KCNQ1OT1: variants seen among roughly 807,000 people sequenced by gnomAD.
KCNQ1OT1 encodes the protein KCNQ1 opposite strand/antisense transcript 1, also known as KCNQ1 antisense RNA 2 (non-protein coding).
At chr11:2,692,541 C>T in exon 1 of KCNQ1OT1, 1 of 398,800 alleles carries the variant, frequency 2.5e-6, no homozygotes. Flanking sequence ...CCAGAGGGCC[C>T]TTGGCCTGCC....
At chr11:2,644,769 G>C in exon 1 of KCNQ1OT1, 2 of 398,562 alleles carry the variant, frequency 5.0e-6, no homozygotes, top group Non-Finnish European at 8.8e-6. Context: ...TTTGATTCTG[G>C]GTGCCTGCAG....
exon 1 of KCNQ1OT1, chr11:2,685,866 C>A (rs1329823945): frequency 5.0e-6 from 2 of 398,614 alleles, no homozygotes; most frequent in East Asian, 7.1e-5. Flanking sequence ...ACCCAGGACT[C>A]AGACCACAAC....
At position 2,676,936 on chromosome 11, in the gene KCNQ1OT1, G is replaced by A; in HGVS notation, n.23059C>T. 2.5e-6 allele frequency: 1 copy of A among 398,596 alleles called. No individual in the cohort carries two copies. The highest frequency in any genetic ancestry group is 4.4e-6 in the Non-Finnish European group (1 of 226,054). The allele number at this position is 398,596 out of a possible 1,614,324, so 24.7% of individuals were successfully genotyped here. ...AAAAGGAAGACACTGGTATGTTCTG[G>A]AGATGGATCTGTATTAAGACATCTA... On this transcript the variant is annotated non_coding_transcript_exon_variant, in exon 1 of 1. Transcript: ENST00000597346. This position sits in a 1 kb window ranked among gnomAD's most constrained non-coding sequence, Gnocchi z 4.2.
exon 1 of KCNQ1OT1, chr11:2,692,349 C>T: frequency 2.5e-6 from 1 of 399,000 alleles, no homozygotes. Context: ...CTCTGTACTG[C>T]AGGCATCTCC....
chr11:2,614,936 C>A (rs1175464994), exon 1 of KCNQ1OT1: 4 of 398,124 alleles, frequency 1.0e-5, no homozygotes, highest in Non-Finnish European at 1.8e-5. Context: ...ATAAAAAGGC[C>A]CTTGGGATTT....
rs979402919 is a variant in KCNQ1OT1 at position 2,664,443 on chromosome 11, C to T, written n.35552G>A. ...TGTCAGGGCCTAGGAACCCAGGCTC[C>T]TCTGGGATACAGGCTGGGTAGAGGC... On this transcript the variant is annotated non_coding_transcript_exon_variant, in exon 1 of 1. Coordinates refer to ENST00000597346, the Ensembl canonical transcript of KCNQ1OT1. This position sits in a 1 kb window ranked among gnomAD's most constrained non-coding sequence, Gnocchi z 5.1. The T allele has an allele frequency of 2.5e-6, 1 of 398,550 alleles. No individual in the cohort carries two copies. The highest frequency in any genetic ancestry group is 4.4e-6 in the Non-Finnish European group (1 of 226,126). 24.7% of individuals were successfully genotyped at this position (398,550 alleles called of 1,614,324 possible).
chr11:2,614,782 T>C, exon 1 of KCNQ1OT1: 3 of 398,526 alleles, frequency 7.5e-6, no homozygotes, highest in Non-Finnish European at 1.3e-5. Context: ...ACCACATTGT[T>C]TTGATTACTG....
chr11:2,696,178 A>T (rs1309805445), exon 1 of KCNQ1OT1: 1 of 398,344 alleles, frequency 2.5e-6, no homozygotes, highest in East Asian at 3.6e-5. Context: ...CTGTTTAAGA[A>T]CCCCACGGCC....
In KCNQ1OT1 at chr11:2,673,719, G is replaced by C. The variant is rs1411593928; in HGVS notation, n.26276C>G. 1 of 398,586 alleles carries C rather than the reference G, an allele frequency of 2.5e-6. No individual in the cohort carries two copies. Among genetic ancestry groups the C allele is most frequent in the South Asian group, 1.3e-4 (1 of 7,852 alleles). 24.7% of individuals were successfully genotyped at this position (398,586 alleles called of 1,614,324 possible). A position where few individuals can be genotyped will look rare whatever the true frequency, so the allele number is the denominator to read the frequency against. On this transcript the variant is annotated non_coding_transcript_exon_variant, in exon 1 of 1. Transcript: ENST00000597346. This position sits in a 1 kb window ranked among gnomAD's most constrained non-coding sequence, Gnocchi z 4.5. ...CTGAGGTTGCTGAATCTCAGGGCTT[G>C]GAAGGCCCAGACTGGACAGGGGAAG...
chr11:2,640,554 G>A (rs977308858), exon 1 of KCNQ1OT1: 1 of 346,956 alleles, frequency 2.9e-6, no homozygotes, highest in Non-Finnish European at 4.7e-6. Flanking sequence ...CCAAAGCACT[G>A]GGATTTCCTT....
rs1850216353 is a variant in KCNQ1OT1, at chr11:2,673,117, G to T, written n.26878C>A. ...GGTACTCAGCAGGAGACCCCAGCAG[G>T]CAGCATCAGGGCAGGGGTGCTGACC... On this transcript the variant is annotated non_coding_transcript_exon_variant, in exon 1 of 1. Coordinates refer to ENST00000597346, the Ensembl canonical transcript of KCNQ1OT1. This position sits in a 1 kb window ranked among gnomAD's most constrained non-coding sequence, Gnocchi z 4.5. 5.0e-6 allele frequency: 2 copies of T among 398,790 alleles called. No homozygotes were observed. The highest frequency in any genetic ancestry group is 4.1e-5 in the African/African-American group (2 of 48,632). The allele number at this position is 398,790 out of a possible 1,614,324, so 24.7% of individuals were successfully genotyped here.
In KCNQ1OT1 at chr11:2,691,293, A is replaced by C; in HGVS notation, n.8702T>G. Reference sequence around the variant, plus strand: ...CACTAATCAGGAAGGAGAGCTGACAAGAAAAAGGCGATGTCTCACCCCTGA... The same window carrying C: ...CACTAATCAGGAAGGAGAGCTGACACGAAAAAGGCGATGTCTCACCCCTGA... On this transcript the variant is annotated non_coding_transcript_exon_variant, in exon 1 of 1. Coordinates refer to ENST00000597346, the Ensembl canonical transcript of KCNQ1OT1. This position sits in a 1 kb window ranked among gnomAD's most constrained non-coding sequence, Gnocchi z 6.4. The C allele has an allele frequency of 2.5e-6, 1 of 398,630 alleles. No individual in the cohort carries two copies. Among genetic ancestry groups the C allele is most frequent in the Non-Finnish European group, 4.4e-6 (1 of 226,084 alleles). 24.7% of individuals were successfully genotyped at this position (398,630 alleles called of 1,614,324 possible). A position where few individuals can be genotyped will look rare whatever the true frequency, so the allele number is the denominator to read the frequency against.
At chr11:2,650,381 A>G in exon 1 of KCNQ1OT1, 2 of 398,564 alleles carry the variant, frequency 5.0e-6, no homozygotes, top group Non-Finnish European at 8.8e-6. Context: ...AATAACAGAG[A>G]CTTCCAATTT....
rs1850511583 is a variant in KCNQ1OT1, at chr11:2,687,529, C to T, written n.12466G>A. Reference sequence around the variant, plus strand: ...TTGAGACCAGCCTCCTCTGTATGGTCCCTTCCCTGGTGCACCTACCACAGC... The same window carrying T: ...TTGAGACCAGCCTCCTCTGTATGGTTCCTTCCCTGGTGCACCTACCACAGC... On this transcript the variant is annotated non_coding_transcript_exon_variant, in exon 1 of 1. Transcript: ENST00000597346. This position sits in a 1 kb window ranked among gnomAD's most constrained non-coding sequence, Gnocchi z 5.0. 3.8e-5 allele frequency: 15 copies of T among 398,738 alleles called. No individual in the cohort carries two copies. The East Asian group carries it at 5.3e-4, about 14-fold the overall frequency. 24.7% of individuals were successfully genotyped at this position (398,738 alleles called of 1,614,324 possible). A position where few individuals can be genotyped will look rare whatever the true frequency, so the allele number is the denominator to read the frequency against.
chr11:2,661,312 G>A lies in KCNQ1OT1; in HGVS notation n.38683C>T, dbSNP rs888348157. On this transcript the variant is annotated non_coding_transcript_exon_variant, in exon 1 of 1. Transcript: ENST00000597346. This position sits in a 1 kb window ranked among gnomAD's most constrained non-coding sequence, Gnocchi z 5.9. ...TACTGATAGTGTCAACAGAGAGTGG[G>A]GAGTGATAAGGATCAGTATCCTGAG... The A allele has an allele frequency of 8.0e-5, 32 of 401,312 alleles. No individual in the cohort carries two copies. Among genetic ancestry groups the A allele is most frequent in the Non-Finnish European group, 4.4e-6 (1 of 227,720 alleles). The allele number at this position is 401,312 out of a possible 1,614,324, so 24.9% of individuals were successfully genotyped here.
exon 1 of KCNQ1OT1, chr11:2,694,378 T>C (rs1325796825): frequency 7.5e-6 from 3 of 398,536 alleles, no homozygotes; most frequent in Admixed American, 8.8e-5. Flanking sequence ...TTGGCTATCA[T>C]GACTATGGGA....
exon 1 of KCNQ1OT1, chr11:2,693,987 G>A: frequency 2.5e-6 from 1 of 398,744 alleles, no homozygotes; most frequent in Non-Finnish European, 4.4e-6. Flanking sequence ...AGCAGGCCCA[G>A]CCCGGCCTCT....
chr11:2,653,738 C>T lies in KCNQ1OT1; in HGVS notation n.46257G>A. On this transcript the variant is annotated non_coding_transcript_exon_variant, in exon 1 of 1. Coordinates refer to ENST00000597346, the Ensembl canonical transcript of KCNQ1OT1. The surrounding 1 kb of genome is among the most constrained non-coding windows in gnomAD (Gnocchi z 5.3). ...CCAGGATTCCTGCCAGAATCTAAGG[C>T]CAGGTTCTTATTGGCCTCAGCTGGG... is the stretch of plus-strand genomic sequence containing the variant. 2.5e-6 allele frequency: 1 copy of T among 398,658 alleles called. No homozygotes were observed. Among genetic ancestry groups the T allele is most frequent in the Non-Finnish European group, 4.4e-6 (1 of 226,080 alleles). The allele number at this position is 398,658 out of a possible 1,614,324, so 24.7% of individuals were successfully genotyped here.
exon 1 of KCNQ1OT1, chr11:2,614,777 A>G (rs1249972252): frequency 2.5e-6 from 1 of 398,356 alleles, no homozygotes; most frequent in Non-Finnish European, 4.4e-6. Context: ...TCAGTACCAC[A>G]TTGTTTTGAT....
Sources: gnomAD v4.1 joint callset for allele counts on GRCh38, gnomAD v4.1.1 for gene constraint, Gnocchi (gnomAD v3.1) non-coding constraint, MANE v1.5 for transcripts, NCBI Gene and HGNC (gene_info 2026-07-23, HGNC 2026-07-21) for gene names.